MGA: variants seen among roughly 807,000 people sequenced by gnomAD.
MGA encodes MAX dimerization protein MGA, also known as MAX gene-associated protein.
A neutral mutation model predicts 261.1 loss-of-function variants in MGA; 40 were observed. The ratio of observed to expected loss-of-function variants is 0.15; its 90% CI spans 0.12 to 0.20. The LOEUF (loss-of-function observed/expected upper bound fraction) is 0.20, where lower values mean the gene tolerates loss of function less well. MGA is among the 10% of genes least tolerant of loss of function. MGA has a pLI of 1.00. For missense variants in MGA, 3,397 were observed against 3,630.5 expected (o/e 0.94, Z 1.65); for synonymous variants, 1,302 against 1,290.6 (o/e 1.01, Z -0.19).
At chr15:41,690,501 G>C (rs929399341) in intron 2 of MGA, among the ~76,000 whole-genome samples, 9 of 152,076 alleles carry the variant, frequency 5.9e-5, no homozygotes, top group Admixed American at 1.3e-4. Flanking sequence ...ATAAATGTGG[G>C]CATTTATTTC....
At chr15:41,724,224 A>AAT (rs1422287094) in intron 9 of MGA, among the ~76,000 whole-genome samples, 1 of 152,210 alleles carries the variant, frequency 6.6e-6, no homozygotes, top group Non-Finnish European at 1.5e-5. Context: ...AGAACCTCTT[A>AAT]ATACCACCTT....
intron 23 of MGA, among the ~76,000 whole-genome samples, chr15:41,765,675 G>A (rs996702543): frequency 6.6e-6 from 1 of 152,142 alleles, no homozygotes; most frequent in South Asian, 2.1e-4. Flanking sequence ...CATTTTCTGC[G>A]CTAAGTAGCA....
chr15:41,727,197 C>T lies in MGA; in HGVS notation c.3448C>T (p.Pro1150Ser). 11 of 1,613,470 alleles carry T rather than the reference C, an allele frequency of 6.8e-6. No individual in the cohort carries two copies. Among genetic ancestry groups the T allele is most frequent in the Middle Eastern group, 1.7e-4 (1 of 6,060 alleles). Residue 1150 changes from proline (P) to serine (S), a missense_variant, in exon 10 of 24, where the codon CCT becomes TCT. This residue lies in a region of MGA where 519 missense variants were observed against 554.1 expected (regional missense o/e 0.94). Transcript: ENST00000219905. ...TTGTTAAGCTATATGTGAGACAGAG[C>T]CTGAACAGCCTGTTCGACATTACCC...
At chr15:41,724,477 G>A (rs906850137) in intron 9 of MGA, among the ~76,000 whole-genome samples, 1 of 152,190 alleles carries the variant, frequency 6.6e-6, no homozygotes, top group Non-Finnish European at 1.5e-5. Flanking sequence ...ATATTTGAAT[G>A]CATAAATGAA....
chr15:41,767,608 T>G lies in MGA; in HGVS notation c.*328T>G. ...CTGGCTCCACAGTGGTTTCTAGTTC[T>G]TCCCCCACAAGCGAAAGAGCTGTTT... On this transcript the variant is annotated 3_prime_UTR_variant, in exon 24 of 24. Coordinates refer to ENST00000219905, the MANE Select transcript of MGA (RefSeq NM_001164273.2). 1 of 293,414 alleles carries G rather than the reference T, an allele frequency of 3.4e-6. No homozygotes were observed. The highest frequency in any genetic ancestry group is 6.4e-6 in the Non-Finnish European group (1 of 156,402). The allele number at this position is 293,414 out of a possible 1,614,324, so 18.2% of individuals were successfully genotyped here.
chr15:41,642,031 G>A (rs1163197732), intron 1 of MGA, among the ~76,000 whole-genome samples: 1 of 152,038 alleles, frequency 6.6e-6, no homozygotes, highest in Non-Finnish European at 1.5e-5. Context: ...GAATTCCTGG[G>A]CTCAAGCAGT....
At chr15:41,764,035 T>C (rs548611627) in intron 22 of MGA, among the ~76,000 whole-genome samples, 3 of 151,950 alleles carry the variant, frequency 2.0e-5, no homozygotes, top group Non-Finnish European at 4.4e-5. Flanking sequence ...GGTGCACACC[T>C]GTAGTCCCAG....
At chr15:41,682,199 G>A (rs1383528878) in intron 2 of MGA, among the ~76,000 whole-genome samples, 1 of 152,100 alleles carries the variant, frequency 6.6e-6, no homozygotes. Flanking sequence ...TTATAGGTGT[G>A]AGCCACTGCA....
chr15:41,726,550 A>T (rs2061257578), intron 9 of MGA, among the ~76,000 whole-genome samples: 1 of 152,014 alleles, frequency 6.6e-6, no homozygotes, highest in Non-Finnish European at 1.5e-5. Context: ...CCAACATGAC[A>T]AAACCCCATC....
At position 41,767,096 on chromosome 15, in the gene MGA, G is replaced by C. The variant is rs1383685956; in HGVS notation, c.9014G>C (p.Gly3005Ala). Residue 3005 changes from glycine to alanine, a missense_variant, in exon 24 of 24, where the codon GGT becomes GCT. Gly to Ala is a moderately conservative substitution (Grantham distance 60, BLOSUM62 0). This residue lies in a region of MGA where 647 missense variants were observed against 642.4 expected (regional missense o/e 1.01). Coordinates refer to ENST00000219905, the MANE Select transcript of MGA (RefSeq NM_001164273.2). ...GCTAATCCTTCCAGTGATGCAGATGGTCAGAGTCTCAAGGTGATGCCTTGT... is the reference window on the plus strand; with the variant it reads ...GCTAATCCTTCCAGTGATGCAGATGCTCAGAGTCTCAAGGTGATGCCTTGT... The C allele has an allele frequency of 2.5e-6, 4 of 1,614,012 alleles. No homozygotes were observed. The highest frequency in any genetic ancestry group is 8.5e-7 in the Non-Finnish European group (1 of 1,179,902).
At chr15:41,725,053 T>C (rs1455470115) in intron 9 of MGA, among the ~76,000 whole-genome samples, 1 of 152,256 alleles carries the variant, frequency 6.6e-6, no homozygotes, top group Non-Finnish European at 1.5e-5. Flanking sequence ...TGACTCTAGG[T>C]GAAAGTTTTT....
Position 41,767,148 on chromosome 15 carries a change from G to C in MGA, c.9066G>C (p.Gly3022=), listed in dbSNP as rs532901113. The C allele has an allele frequency of 6.2e-7, 1 of 1,613,968 alleles. No individual in the cohort carries two copies. The highest frequency in any genetic ancestry group is 1.3e-5 in the African/African-American group (1 of 75,042). Residue 3022 remains glycine, a synonymous_variant, in exon 24 of 24, where the codon GGG becomes GGC. Transcript: ENST00000219905. ...TGGCACCTATAGCTGCCAAAGTTGG[G>C]TCAGTTGGACACAAAATGAACTTAA...
intron 2 of MGA, among the ~76,000 whole-genome samples, chr15:41,695,577 T>G (rs188831178): frequency 6.6e-6 from 1 of 152,348 alleles, no homozygotes; most frequent in Admixed American, 6.5e-5. Context: ...ACTAGATGTT[T>G]ATGTTGTTTT....
chr15:41,697,542 G>T (rs950732110), intron 3 of MGA, among the ~76,000 whole-genome samples: 24 of 151,194 alleles, frequency 1.6e-4, no homozygotes, highest in African/African-American at 5.4e-4. Context: ...CCAGCCTCAC[G>T]AGTAGCTGGG....
chr15:41,691,990 TG>T (rs1465297600), intron 2 of MGA, among the ~76,000 whole-genome samples: 2 of 152,226 alleles, frequency 1.3e-5, no homozygotes, highest in African/African-American at 2.4e-5. Flanking sequence ...GGAAGATTTT[TG>T]TTCATTTTCT....
intron 23 of MGA, among the ~76,000 whole-genome samples, chr15:41,765,774 C>CT (rs1221438045): frequency 2.0e-5 from 3 of 152,114 alleles, no homozygotes; most frequent in Admixed American, 1.3e-4. Flanking sequence ...TTAAATGGAA[C>CT]TTTAAAAAAT....
Position 41,669,970 on chromosome 15 carries a change from T to A in MGA, c.1064+12T>A, listed in dbSNP as rs2057953398. 5 of 1,592,606 alleles carry A rather than the reference T, an allele frequency of 3.1e-6. No individual in the cohort carries two copies. The African/African-American group carries it at 4.0e-5, about 13-fold the overall frequency. ...GAGATTTCTGAATGGTAAGTAGTAG[T>A]TTTTCTGTTCTTAGAAATAAAAGGA... is the stretch of plus-strand genomic sequence containing the variant. On this transcript the variant is annotated intron_variant, in intron 2 of 23. Coordinates refer to ENST00000219905, the MANE Select transcript of MGA (RefSeq NM_001164273.2).
chr15:41,672,506 G>A (rs1039461351), intron 2 of MGA, among the ~76,000 whole-genome samples: 10 of 152,154 alleles, frequency 6.6e-5, no homozygotes, highest in African/African-American at 2.4e-4. Context: ...ATATGGTTAA[G>A]CCTTTGATTT....
At chr15:41,703,579 C>T (rs530782148) in intron 5 of MGA, among the ~76,000 whole-genome samples, 1 of 152,038 alleles carries the variant, frequency 6.6e-6, no homozygotes, top group East Asian at 1.9e-4. Flanking sequence ...TCCATCTCTA[C>T]TAAAAATACA....
Sources: allele counts gnomAD v4.1 joint callset (sites outside exome capture counted in the v4.1 genomes callset), GRCh38; gene constraint gnomAD v4.1.1; regional missense constraint gnomAD v4.1.1; transcripts MANE v1.5; gene names NCBI Gene and HGNC (gene_info 2026-07-23, HGNC 2026-07-21).